The following ANKRD12 variants were observed in gnomAD, a reference collection of about 807,000 sequenced individuals.
ANKRD12 encodes ankyrin repeat domain 12.
In ANKRD12, 85 loss-of-function variants were observed where a neutral mutation model predicts 183.4. That is an observed-to-expected ratio of 0.46 (90% CI 0.39 to 0.56). ANKRD12 has a LOEUF of 0.56. Among genes scored for constraint, ANKRD12 ranks in the 20% least tolerant of loss-of-function variants. The pLI, the probability that ANKRD12 is intolerant of heterozygous loss-of-function variation, is 0.00. For synonymous variants in ANKRD12, 914 were observed against 800.2 expected, an observed-to-expected ratio of 1.14 and a Z score of -2.40; for missense variants, 2,405 against 2,357.1, an observed-to-expected ratio of 1.02 and a Z score of -0.42.
In ANKRD12 at chr18:9,255,567, TAAA is replaced by T; in HGVS notation, c.2302_2304del (p.Lys768del). 1 of 1,564,992 alleles carries T rather than the reference TAAA, an allele frequency of 6.4e-7. No individual in the cohort carries two copies. The highest frequency in any genetic ancestry group is 2.3e-5 in the East Asian group (1 of 43,940). On this transcript the variant is annotated inframe_deletion, in exon 9 of 13. Coordinates refer to ENST00000262126, the MANE Select transcript of ANKRD12 (RefSeq NM_015208.5). ...GAGAAATCTTTTAGGGAGGAAAAAATAAAAGATCTAAAAGAAGAGAGAGAAAAC... is the reference window on the plus strand; with the variant it reads ...GAGAAATCTTTTAGGGAGGAAAAAATAGATCTAAAAGAAGAGAGAGAAAAC...
intron 12 of ANKRD12, among the ~76,000 whole-genome samples, chr18:9,280,496 A>G (rs189307021): frequency 3.9e-5 from 6 of 152,294 alleles, no homozygotes; most frequent in African/African-American, 1.4e-4. Flanking sequence ...TAAAACAGAA[A>G]TGGACTTGTA....
chr18:9,250,718 C>CA (rs1312356495), intron 8 of ANKRD12, among the ~76,000 whole-genome samples: 2 of 151,690 alleles, frequency 1.3e-5, no homozygotes, highest in African/African-American at 2.4e-5. Context: ...CCCTGTCTCT[C>CA]AAAAAAACAA....
In ANKRD12 at chr18:9,256,336, T is replaced by G. The variant is rs778651173; in HGVS notation, c.3069T>G (p.Asp1023Glu). 3.0e-5 allele frequency: 47 copies of G among 1,592,940 alleles called. No homozygotes were observed. Among genetic ancestry groups the G allele is most frequent in the Non-Finnish European group, 3.9e-5 (46 of 1,170,152 alleles). The change falls in exon 9 of 13, where the codon GAT becomes GAG. Residue 1023 changes from aspartate to glutamate, a missense_variant. Transcript: ENST00000262126. ...DGKEKDKKDKDIDRYKERDKH... is the reference protein window; with the variant it reads ...DGKEKDKKDKEIDRYKERDKH... ...AAGAAAAAGATAAAAAAGATAAAGA[T>G]ATAGATAGATACAAAGAACGAGACA...
At chr18:9,198,736 G>A (rs1481994388) in intron 3 of ANKRD12, among the ~76,000 whole-genome samples, 1 of 151,914 alleles carries the variant, frequency 6.6e-6, no homozygotes, top group Non-Finnish European at 1.5e-5. Context: ...TTTTAGTAGA[G>A]ACGGAGTTTC....
intron 2 of ANKRD12, among the ~76,000 whole-genome samples, chr18:9,184,907 T>C (rs1206893108): frequency 1.3e-5 from 2 of 152,204 alleles, no homozygotes; most frequent in Non-Finnish European, 2.9e-5. Context: ...TCTCACGGAC[T>C]ATAATTTGAG....
Position 9,258,577 on chromosome 18 carries a change from A to G in ANKRD12, c.5310A>G (p.Arg1770=). The stretch of plus-strand genomic sequence containing the variant: ...GTGAATCCTCATCTCCTAGAGGAAG[A>G]ATAAGATTAACTGAAGATGACGATC... ...KDSESSSPRG[R]IRLTEDDDPQ... The change falls in exon 9 of 13, where the codon AGA becomes AGG. Residue 1770 remains arginine, a synonymous_variant. Transcript: ENST00000262126. 1 of 1,613,896 alleles carries G rather than the reference A, an allele frequency of 6.2e-7. No individual in the cohort carries two copies. The highest frequency in any genetic ancestry group is 8.5e-7 in the Non-Finnish European group (1 of 1,179,922).
rs571786906 is a variant in ANKRD12 at position 9,195,886 on chromosome 18, A to G, written c.235+188A>G. 3.9e-5 allele frequency among the ~76,000 whole-genome samples: 6 copies of G among 152,240 alleles called. No homozygotes were observed. The South Asian group carries it at 1.2e-3, about 32-fold the overall frequency. On this transcript the variant is annotated intron_variant, in intron 3 of 12. Coordinates refer to ENST00000262126, the MANE Select transcript of ANKRD12 (RefSeq NM_015208.5). ...AAGTGTGATTTCTAACCAGAGATAA[A>G]AACAATTTTCTTTATTCCTTACTCT...
At chr18:9,218,054 T>G (rs1334283840) in intron 7 of ANKRD12, among the ~76,000 whole-genome samples, 1 of 152,218 alleles carries the variant, frequency 6.6e-6, no homozygotes, top group Admixed American at 6.6e-5. Context: ...TAGTGCCCTT[T>G]TAAAAAATAT....
chr18:9,163,784 T>C (rs1468252447), intron 1 of ANKRD12, among the ~76,000 whole-genome samples: 1 of 152,216 alleles, frequency 6.6e-6, no homozygotes, highest in Non-Finnish European at 1.5e-5. Context: ...TTATTCTCTT[T>C]GTAGCAATTA....
Position 9,255,823 on chromosome 18 carries a change from G to A in ANKRD12, c.2556G>A (p.Lys852=), listed in dbSNP as rs546070573. ...AAAAGAAGATAAAACATGAGCATAA[G>A]TCAGAAAAAGACAAATTAGATCTTA... ...EKEKKIKHEH[K]SEKDKLDLSE... The change falls in exon 9 of 13, where the codon AAG becomes AAA. Residue 852 remains lysine, a synonymous_variant. Coordinates refer to ENST00000262126, the MANE Select transcript of ANKRD12 (RefSeq NM_015208.5). The A allele has an allele frequency of 6.3e-5, 99 of 1,577,234 alleles. 1 individual carries two copies. In the African/African-American group the frequency reaches 1.1e-3, roughly 17 times the overall value.
At chr18:9,211,998 A>G (rs2035830572) in intron 6 of ANKRD12, among the ~76,000 whole-genome samples, 3 of 152,130 alleles carry the variant, frequency 2.0e-5, no homozygotes, top group Admixed American at 2.0e-4. Flanking sequence ...TACTAAACTT[A>G]TACTTTAGTT....
chr18:9,205,884 G>A (rs557495117), intron 4 of ANKRD12, among the ~76,000 whole-genome samples: 165 of 152,128 alleles, frequency 1.1e-3, no homozygotes, highest in Admixed American at 2.0e-3. Flanking sequence ...TAATTTTTGA[G>A]ACACTAATAG....
In ANKRD12 at chr18:9,211,799, TC is replaced by T. The variant is rs1329532476; in HGVS notation, c.652+16del. 1 of 1,594,968 alleles carries T rather than the reference TC, an allele frequency of 6.3e-7. No individual in the cohort carries two copies. Among genetic ancestry groups the T allele is most frequent in the Non-Finnish European group, 8.6e-7 (1 of 1,163,810 alleles). ...AGATTTTGCAGGTAAGACTAGTAATTCAATACCTACTATTCAGGCACTAAAA... is the reference window on the plus strand; with the variant it reads ...AGATTTTGCAGGTAAGACTAGTAATTAATACCTACTATTCAGGCACTAAAA... On this transcript the variant is annotated intron_variant, in intron 6 of 12. Coordinates refer to ENST00000262126, the MANE Select transcript of ANKRD12 (RefSeq NM_015208.5).
At chr18:9,270,465 G>A (rs577139709) in intron 10 of ANKRD12, among the ~76,000 whole-genome samples, 9 of 152,230 alleles carry the variant, frequency 5.9e-5, no homozygotes, top group African/African-American at 1.9e-4. Context: ...GTCCTCTGTC[G>A]GGACATGGAT....
At chr18:9,264,128 T>A (rs927451679) in intron 10 of ANKRD12, among the ~76,000 whole-genome samples, 1 of 152,228 alleles carries the variant, frequency 6.6e-6, no homozygotes, top group African/African-American at 2.4e-5. Context: ...TAACTTCTTG[T>A]TATTTGTTGA....
At chr18:9,214,874 G>T (rs1279840912) in intron 6 of ANKRD12, among the ~76,000 whole-genome samples, 1 of 152,048 alleles carries the variant, frequency 6.6e-6, no homozygotes, top group East Asian at 1.9e-4. Context: ...GCTTTTATGC[G>T]AATGCAAGAT....
chr18:9,177,400 C>G (rs781433594), intron 1 of ANKRD12, among the ~76,000 whole-genome samples: 3 of 145,858 alleles, frequency 2.1e-5, no homozygotes, highest in Non-Finnish European at 4.5e-5. Context: ...TTTAACCATT[C>G]TGGTGGGTGA....
At chr18:9,272,775 C>T (rs1160339932) in intron 10 of ANKRD12, among the ~76,000 whole-genome samples, 1 of 152,142 alleles carries the variant, frequency 6.6e-6, no homozygotes, top group Non-Finnish European at 1.5e-5. Flanking sequence ...AGGCCTACCT[C>T]TTTGAATATC....
At chr18:9,238,796 C>G (rs1344639494) in intron 8 of ANKRD12, among the ~76,000 whole-genome samples, 2 of 152,298 alleles carry the variant, frequency 1.3e-5, no homozygotes, top group African/African-American at 4.8e-5. Flanking sequence ...ATCATAATAG[C>G]TGAAATTGCA....
Sources: allele counts gnomAD v4.1 joint callset (sites outside exome capture counted in the v4.1 genomes callset), GRCh38; gene constraint gnomAD v4.1.1; transcripts MANE v1.5; gene names NCBI Gene and HGNC (gene_info 2026-07-23, HGNC 2026-07-21).